The following DMD variants were observed in gnomAD, a reference collection of about 807,000 sequenced individuals.
The protein encoded by DMD is dystrophin, also known as mutant dystrophin.
DMD carries 63 observed loss-of-function variants against 330.1 expected under a neutral mutation model. That is an observed-to-expected ratio of 0.19 (90% CI 0.16 to 0.24). The LOEUF is 0.24. Ranked by LOEUF, DMD falls within the 10% of genes least tolerant of loss-of-function variation. DMD has a pLI of 1.00. For synonymous variants in DMD, 1,223 were observed against 959.8 expected (o/e 1.27, Z -5.07); for missense variants, 3,344 against 2,684.1 (o/e 1.25, Z -5.43).
intron 55 of DMD, among the ~76,000 whole-genome samples, chrX:31,545,455 C>A (rs762125704): frequency 8.9e-6 from 1 of 112,598 alleles, no homozygotes; most frequent in African/African-American, 3.2e-5. Context: ...TTTCTCAAAT[C>A]ATTTTCCTTA....
chrX:32,413,998 G>A (rs746061213), intron 29 of DMD, among the ~76,000 whole-genome samples: 1 of 111,315 alleles, frequency 9.0e-6, no homozygotes, highest in Non-Finnish European at 1.9e-5. Flanking sequence ...TGGGATTATA[G>A]GCGTGAGACA....
intron 2 of DMD, among the ~76,000 whole-genome samples, chrX:32,967,972 C>A (rs1001751644): frequency 2.7e-5 from 3 of 111,911 alleles, no homozygotes; most frequent in Non-Finnish European, 5.6e-5. Flanking sequence ...TCATTCTTCA[C>A]ACTTTTCAGT....
chrX:32,156,631 T>TACACACACAC (rs747490085), intron 44 of DMD, among the ~76,000 whole-genome samples: 133 of 94,048 alleles, frequency 1.4e-3, no homozygotes, highest in African/African-American at 4.9e-3. Context: ...GACAAAAGGA[T>TACACACACAC]ACACACACAC....
At chrX:31,957,724 T>C (rs758615385) in intron 45 of DMD, among the ~76,000 whole-genome samples, 55 of 112,283 alleles carry the variant, frequency 4.9e-4, no homozygotes, top group African/African-American at 1.8e-3. Context: ...TAGACTTATA[T>C]TAATGGTCAA....
intron 55 of DMD, among the ~76,000 whole-genome samples, chrX:31,580,529 AAC>A (rs1360527900): frequency 1.8e-5 from 2 of 112,013 alleles, no homozygotes; most frequent in Non-Finnish European, 3.8e-5. Context: ...CAAATTAGTG[AAC>A]TCAAGAAGTA....
rs184566574 is a variant in DMD at position 31,187,384 on chromosome X, G to A, written c.9808-4480C>T. Among the ~76,000 whole-genome samples, 181 of 111,625 alleles carry A rather than the reference G, an allele frequency of 1.6e-3. 1 individual carries two copies. The highest frequency in any genetic ancestry group is 5.7e-3 in the African/African-American group (174 of 30,671). The stretch of plus-strand genomic sequence containing the variant: ...TTCTTCATATGACACGGCTTAGTTT[G>A]CCATTGTCATTTAGAAAACTATTCT... On this transcript the variant is annotated intron_variant, in intron 67 of 78. Coordinates refer to ENST00000357033, the MANE Select transcript of DMD (RefSeq NM_004006.3).
At chrX:32,495,706 A>G (rs1487957896) in intron 19 of DMD, among the ~76,000 whole-genome samples, 1 of 111,929 alleles carries the variant, frequency 8.9e-6, no homozygotes, top group Non-Finnish European at 1.9e-5. Context: ...TATGGATTTT[A>G]TTATTATATA....
At chrX:31,516,750 T>C (rs1164873312) in intron 55 of DMD, among the ~76,000 whole-genome samples, 1 of 111,867 alleles carries the variant, frequency 8.9e-6, no homozygotes, top group Non-Finnish European at 1.9e-5. Flanking sequence ...ATTCGAAAAT[T>C]CTCACACTTA....
At chrX:32,349,674 G>A in intron 37 of DMD, among the ~76,000 whole-genome samples, 1 of 111,642 alleles carries the variant, frequency 9.0e-6, no homozygotes, top group East Asian at 2.8e-4. Flanking sequence ...TATTGAAGAA[G>A]TGAATAATCA....
chrX:31,163,194 G>A (rs374616217), intron 74 of DMD, among the ~76,000 whole-genome samples: 3 of 111,475 alleles, frequency 2.7e-5, no homozygotes, highest in Admixed American at 1.9e-4. Flanking sequence ...CTCATAATCC[G>A]CACATATCAT....
At chrX:32,109,436 G>T (rs1603625969) in intron 44 of DMD, among the ~76,000 whole-genome samples, 1 of 110,986 alleles carries the variant, frequency 9.0e-6, no homozygotes, top group African/African-American at 3.3e-5. Flanking sequence ...TAAGAAAATG[G>T]GAAATTCACC....
At chrX:33,317,244 T>C (rs2053945392) in intron 1 of DMD, among the ~76,000 whole-genome samples, 1 of 111,169 alleles carries the variant, frequency 9.0e-6, no homozygotes, top group Admixed American at 9.6e-5. Flanking sequence ...TAAATGGTCT[T>C]AAAGAGATTA....
chrX:31,202,222 G>C (rs1227521511), intron 67 of DMD, among the ~76,000 whole-genome samples: 1 of 111,671 alleles, frequency 9.0e-6, no homozygotes, highest in African/African-American at 3.3e-5. Flanking sequence ...ACAACCAAAA[G>C]ATTAGGAAAT....
intron 62 of DMD, among the ~76,000 whole-genome samples, chrX:31,294,673 A>T (rs1260458829): frequency 8.9e-6 from 1 of 112,070 alleles, no homozygotes; most frequent in Non-Finnish European, 1.9e-5. Flanking sequence ...CCCGTTATAG[A>T]GGTGTGCTTT....
At chrX:32,242,977 AGAAG>A (rs372086629) in intron 43 of DMD, among the ~76,000 whole-genome samples, 14 of 104,778 alleles carry the variant, frequency 1.3e-4, no homozygotes, top group African/African-American at 4.6e-4. Flanking sequence ...AAGGAAAGGA[AGAAG>A]GAAGGAAGGA....
rs148887780 is a variant in DMD at position 32,706,606 on chromosome X, G to C, written c.650-7313C>G. On this transcript the variant is annotated intron_variant, in intron 7 of 78. Transcript: ENST00000357033. The stretch of plus-strand genomic sequence containing the variant: ...AAAATTAAAAAAGAAAAAAACAGTG[G>C]CTCAAAATGCATAATGCTTGCCTAG... Among the ~76,000 whole-genome samples the C allele has an allele frequency of 3.6e-3, 401 of 110,725 alleles. 1 individual carries two copies. Among genetic ancestry groups the C allele is most frequent in the African/African-American group, 0.012 (353 of 30,521 alleles).
intron 1 of DMD, among the ~76,000 whole-genome samples, chrX:33,080,974 T>TCACACACACACACACACACACACA (rs763162216): frequency 3.2e-5 from 3 of 92,705 alleles, no homozygotes; most frequent in Non-Finnish European, 6.6e-5. Context: ...TTTATAAACA[T>TCACACACACACACACACACACACA]CACACACACA....
intron 34 of DMD, among the ~76,000 whole-genome samples, chrX:32,370,013 C>T (rs1012118808): frequency 1.8e-5 from 2 of 111,124 alleles, no homozygotes; most frequent in Non-Finnish European, 3.8e-5. Flanking sequence ...GTGAATTCTG[C>T]ACTTAGTATT....
intron 47 of DMD, among the ~76,000 whole-genome samples, chrX:31,895,395 T>G (rs945346512): frequency 3.6e-5 from 4 of 112,141 alleles, no homozygotes; most frequent in African/African-American, 1.3e-4. Context: ...CATTTACATT[T>G]TGTATAAGCA....
Sources: gnomAD v4.1 joint callset for allele counts (sites outside exome capture counted in the v4.1 genomes callset) on GRCh38, gnomAD v4.1.1 for gene constraint, MANE v1.5 for transcripts, NCBI Gene and HGNC (gene_info 2026-07-23, HGNC 2026-07-21) for gene names.